MALRD1: variants seen among roughly 807,000 people sequenced by gnomAD.
MALRD1 encodes the protein MAM and LDL receptor class A domain containing 1.
Under a neutral mutation model 242.1 loss-of-function variants are expected in MALRD1, and 247 were observed. The observed-to-expected ratio is 1.02, with a 90% CI of 0.92 to 1.13. MALRD1 has a LOEUF of 1.13. Ranked by LOEUF, MALRD1 falls within the 50% of genes most tolerant of loss-of-function variation. The pLI is 0.00. For missense variants in MALRD1, 2,989 were observed against 2,533.1 expected, an observed-to-expected ratio of 1.18 and a Z score of -3.86; for synonymous variants, 995 against 866.6, an observed-to-expected ratio of 1.15 and a Z score of -2.60.
chr10:19,514,236 T>C (rs1210875947), intron 31 of MALRD1, among the ~76,000 whole-genome samples: 1 of 152,200 alleles, frequency 6.6e-6, no homozygotes, highest in East Asian at 1.9e-4. Context: ...GAATTATGAC[T>C]GACAGCATTA....
intron 24 of MALRD1, among the ~76,000 whole-genome samples, chr10:19,336,975 CAG>C (rs1002786059): frequency 6.6e-6 from 1 of 151,868 alleles, no homozygotes. Flanking sequence ...TTAAATGAAA[CAG>C]AAAAAATATC....
intron 4 of MALRD1, among the ~76,000 whole-genome samples, chr10:19,101,338 G>A (rs1253638643): frequency 7.0e-6 from 1 of 141,870 alleles, no homozygotes; most frequent in Non-Finnish European, 1.5e-5. Context: ...CAAACTACTT[G>A]GATATATATA....
In MALRD1 at chr10:19,155,153, C is replaced by T. The variant is rs2131466671; in HGVS notation, c.1637C>T (p.Thr546Ile). 8.1e-7 allele frequency: 1 copy of T among 1,231,456 alleles called. No individual in the cohort carries two copies. Among genetic ancestry groups the T allele is most frequent in the Non-Finnish European group, 1.0e-6 (1 of 987,764 alleles). 76.3% of individuals were successfully genotyped at this position (1,231,456 alleles called of 1,614,324 possible). The change falls in exon 12 of 40, where the codon ACT (threonine) becomes ATT (isoleucine). Residue 546 changes from threonine to isoleucine, a missense_variant. Coordinates refer to ENST00000454679, the MANE Select transcript of MALRD1 (RefSeq NM_001142308.3). ...AGTCCTGTTCTTACAAAATTGCTCA[C>T]TGCCTCTACCCCATGTCAGGTAATC... ...LGSPVLTKLL[T>I]ASTPCQVQFW... is the part of the protein sequence containing the mutation.
chr10:19,144,092 G>A (rs1833642214), intron 10 of MALRD1, among the ~76,000 whole-genome samples: 1 of 152,160 alleles, frequency 6.6e-6, no homozygotes, highest in African/African-American at 2.4e-5. Context: ...GCACCATTAG[G>A]CGATGTGCAA....
chr10:19,258,154 C>A (rs1048118503), intron 19 of MALRD1, among the ~76,000 whole-genome samples: 2 of 152,076 alleles, frequency 1.3e-5, no homozygotes, highest in African/African-American at 4.8e-5. Flanking sequence ...TTAAATATTT[C>A]TAACAATTGT....
At chr10:19,581,910 A>G (rs1837146674) in intron 33 of MALRD1, among the ~76,000 whole-genome samples, 1 of 152,100 alleles carries the variant, frequency 6.6e-6, no homozygotes, top group Non-Finnish European at 1.5e-5. Context: ...AATGATTCCC[A>G]TTCTAACTGG....
chr10:19,244,139 G>A (rs907036877), intron 18 of MALRD1, among the ~76,000 whole-genome samples: 1 of 151,972 alleles, frequency 6.6e-6, no homozygotes, highest in African/African-American at 2.4e-5. Context: ...ATGCTTTAAA[G>A]CATGTTAGAT....
chr10:19,364,283 A>G (rs1459655087), intron 26 of MALRD1, among the ~76,000 whole-genome samples: 1 of 152,144 alleles, frequency 6.6e-6, no homozygotes, highest in East Asian at 1.9e-4. Context: ...ATTACTTGAT[A>G]TGCTAACTTA....
At chr10:19,610,688 G>A (rs1371481429) in intron 35 of MALRD1, among the ~76,000 whole-genome samples, 2 of 152,014 alleles carry the variant, frequency 1.3e-5, no homozygotes, top group East Asian at 1.9e-4. Flanking sequence ...GAAATTCTGA[G>A]ATGAATAGCT....
At chr10:19,124,722 TGGTGACTA>T (rs1588579711) in intron 7 of MALRD1, 52 bp downstream of exon 7, 1 of 1,223,630 alleles carries the variant, frequency 8.2e-7, no homozygotes, top group East Asian at 3.2e-5. Flanking sequence ...TTCTGCTTTA[TGGTGACTA>T]GTTATAAGAC....
chr10:19,263,692 AT>A (rs997239523), intron 19 of MALRD1, among the ~76,000 whole-genome samples: 1 of 151,862 alleles, frequency 6.6e-6, no homozygotes, highest in East Asian at 1.9e-4. Flanking sequence ...TGAAGAGATT[AT>A]TTTTTCCCAT....
intron 14 of MALRD1, among the ~76,000 whole-genome samples, chr10:19,179,126 A>G (rs1054639271): frequency 6.6e-6 from 1 of 152,206 alleles, no homozygotes; most frequent in African/African-American, 2.4e-5. Flanking sequence ...CCAGTCATAG[A>G]AAAATAAGTA....
intron 28 of MALRD1, among the ~76,000 whole-genome samples, chr10:19,422,414 CAGA>C (rs1833748462): frequency 6.6e-6 from 1 of 151,830 alleles, no homozygotes; most frequent in Non-Finnish European, 1.5e-5. Context: ...ATAGAGTAAC[CAGA>C]AGACTTACAA....
intron 36 of MALRD1, among the ~76,000 whole-genome samples, chr10:19,677,839 T>C (rs1373393169): frequency 2.6e-5 from 4 of 152,230 alleles, no homozygotes; most frequent in Non-Finnish European, 5.9e-5. Context: ...TGAATTAATT[T>C]TTATGTAATG....
chr10:19,159,625 G>A (rs1480879225), intron 12 of MALRD1, among the ~76,000 whole-genome samples: 1 of 151,486 alleles, frequency 6.6e-6, no homozygotes, highest in Non-Finnish European at 1.5e-5. Context: ...TTCAACAGGA[G>A]ATGATCAAAA....
chr10:19,622,136 T>C (rs750643876), intron 36 of MALRD1, among the ~76,000 whole-genome samples: 3 of 151,496 alleles, frequency 2.0e-5, no homozygotes, highest in South Asian at 2.1e-4. Flanking sequence ...GTTTCACTGA[T>C]ATTTCATATT....
chr10:19,271,890 A>G (rs1188717215), intron 19 of MALRD1, among the ~76,000 whole-genome samples: 1 of 152,232 alleles, frequency 6.6e-6, no homozygotes, highest in African/African-American at 2.4e-5. Flanking sequence ...ATAATTCAGT[A>G]TACTACTCAC....
chr10:19,118,340 A>G (rs1242703394), intron 5 of MALRD1, among the ~76,000 whole-genome samples: 2 of 152,228 alleles, frequency 1.3e-5, no homozygotes, highest in Non-Finnish European at 2.9e-5. Flanking sequence ...TGGTTGGGCT[A>G]CAAGTTGGTT....
chr10:19,727,838 A>T (rs1281311420), intron 38 of MALRD1, among the ~76,000 whole-genome samples: 1 of 151,464 alleles, frequency 6.6e-6, no homozygotes, highest in Non-Finnish European at 1.5e-5. Context: ...AGGAAACTTT[A>T]TAATGAAACA....
Sources: allele counts gnomAD v4.1 joint callset (sites outside exome capture counted in the v4.1 genomes callset), GRCh38; gene constraint gnomAD v4.1.1; transcripts MANE v1.5; gene names NCBI Gene and HGNC (gene_info 2026-07-23, HGNC 2026-07-21).